Variants in SLC30A7 observed in about 807,000 individuals in gnomAD.
The protein encoded by SLC30A7 is zinc transporter 7.
Under a neutral mutation model 46.0 loss-of-function variants are expected in SLC30A7, and 35 were observed. The ratio of observed to expected loss-of-function variants is 0.76; its 90% CI spans 0.58 to 1.01. The LOEUF is 1.01. Among genes scored for constraint, SLC30A7 ranks in the 50% least tolerant of loss-of-function variants. SLC30A7 has a pLI of 0.00. For missense variants in SLC30A7, 464 were observed against 451.1 expected, an observed-to-expected ratio of 1.03 and a Z score of -0.26; for synonymous variants, 147 against 157.8, an observed-to-expected ratio of 0.93 and a Z score of 0.51.
chr1:100,959,782 C>A (rs919447868), intron 8 of SLC30A7, among the ~76,000 whole-genome samples: 1 of 152,146 alleles, frequency 6.6e-6, no homozygotes, highest in Non-Finnish European at 1.5e-5. Flanking sequence ...AGTCCTGAAA[C>A]TTTACATAGG....
At position 100,966,042 on chromosome 1, in the gene SLC30A7, G is replaced by T. The variant is rs1443543472; in HGVS notation, c.1083+124G>T. ...GGCTAGGATTTCTAGATCAGTGTGG[G>T]CAACATAGTGAGACCCCGTCTCTAC... On this transcript the variant is annotated intron_variant, in intron 10 of 10. Transcript: ENST00000357650. The T allele has an allele frequency of 7.6e-6, 6 of 791,652 alleles. No homozygotes were observed. In the East Asian group the frequency reaches 1.6e-4, roughly 22 times the overall value. The allele number at this position is 791,652 out of a possible 1,614,324, so 49.0% of individuals were successfully genotyped here. A position where few individuals can be genotyped will look rare whatever the true frequency, so the allele number is the denominator to read the frequency against.
intron 7 of SLC30A7, among the ~76,000 whole-genome samples, chr1:100,919,901 C>T (rs1249945724): frequency 6.6e-6 from 1 of 152,038 alleles, no homozygotes; most frequent in Non-Finnish European, 1.5e-5. Flanking sequence ...CATCTTGACT[C>T]CTGGCTTACT....
At chr1:100,942,512 G>GT (rs531676748) in intron 8 of SLC30A7, among the ~76,000 whole-genome samples, 168 of 152,240 alleles carry the variant, frequency 1.1e-3, no homozygotes, top group Non-Finnish European at 1.8e-3. Context: ...AATGTGTGGG[G>GT]TTTTTTCCCC....
At chr1:100,956,760 C>T (rs1655247566) in intron 8 of SLC30A7, among the ~76,000 whole-genome samples, 1 of 152,120 alleles carries the variant, frequency 6.6e-6, no homozygotes, top group Non-Finnish European at 1.5e-5. Flanking sequence ...TCTTCTATTC[C>T]TTTTTCTCTT....
rs142577804 is a variant in SLC30A7 at position 100,981,751 on chromosome 1, A to C, written c.*6894A>C. The C allele has an allele frequency of 4.6e-5, 7 of 152,350 alleles. No homozygotes were observed. In the East Asian group the frequency reaches 1.3e-3, roughly 29 times the overall value. 9.4% of individuals were successfully genotyped at this position (152,350 alleles called of 1,614,324 possible). Reference sequence around the variant, plus strand: ...CTTTCAATAAAATTTCTATTTAAAAATCTCTACCTGAATTGTGTCTTATCA... The same window carrying C: ...CTTTCAATAAAATTTCTATTTAAAACTCTCTACCTGAATTGTGTCTTATCA... On this transcript the variant is annotated 3_prime_UTR_variant, in exon 11 of 11. Coordinates refer to ENST00000357650, the MANE Select transcript of SLC30A7 (RefSeq NM_133496.5).
rs1396421163 is a variant in SLC30A7 at position 100,977,901 on chromosome 1, A to T, written c.*3044A>T. ...CCTGAGTAACTGGAATTACAGGTGC[A>T]CGCCACCACGCCCGGCTAATTTTTG... On this transcript the variant is annotated 3_prime_UTR_variant, in exon 11 of 11. Transcript: ENST00000357650. 2 of 152,142 alleles carry T rather than the reference A, an allele frequency of 1.3e-5. No individual in the cohort carries two copies. The highest frequency in any genetic ancestry group is 4.8e-5 in the African/African-American group (2 of 41,434). 9.4% of individuals were successfully genotyped at this position (152,142 alleles called of 1,614,324 possible).
intron 8 of SLC30A7, among the ~76,000 whole-genome samples, chr1:100,926,069 G>A (rs749082192): frequency 2.0e-5 from 3 of 152,212 alleles, no homozygotes; most frequent in Non-Finnish European, 4.4e-5. Flanking sequence ...GTCAACTACA[G>A]TAGGCTTCCA....
chr1:100,897,137 T>G (rs998082974), intron 2 of SLC30A7, among the ~76,000 whole-genome samples: 1 of 152,108 alleles, frequency 6.6e-6, no homozygotes, highest in East Asian at 1.9e-4. Flanking sequence ...TAAAGTGATA[T>G]CGGGAGGAAT....
intron 7 of SLC30A7, among the ~76,000 whole-genome samples, chr1:100,918,383 A>C (rs932574564): frequency 6.6e-6 from 1 of 152,200 alleles, no homozygotes; most frequent in Non-Finnish European, 1.5e-5. Flanking sequence ...ATGTCCCCAC[A>C]ATCCCAGCTA....
intron 8 of SLC30A7, among the ~76,000 whole-genome samples, chr1:100,925,687 AAG>A (rs892732613): frequency 7.2e-5 from 11 of 152,212 alleles, no homozygotes; most frequent in African/African-American, 2.4e-4. Context: ...TCATTACTAA[AAG>A]AGAGGGGACT....
intron 8 of SLC30A7, among the ~76,000 whole-genome samples, chr1:100,959,733 T>A (rs1458755977): frequency 6.6e-6 from 1 of 152,152 alleles, no homozygotes; most frequent in Non-Finnish European, 1.5e-5. Flanking sequence ...TGATGTCTCA[T>A]CACTTTGTCA....
At chr1:100,925,679 A>G (rs1218186836) in intron 8 of SLC30A7, among the ~76,000 whole-genome samples, 1 of 152,224 alleles carries the variant, frequency 6.6e-6, no homozygotes, top group African/African-American at 2.4e-5. Context: ...ATGAGGTGTC[A>G]TTACTAAAAG....
At chr1:100,954,283 C>T (rs1655116471) in intron 8 of SLC30A7, among the ~76,000 whole-genome samples, 1 of 152,090 alleles carries the variant, frequency 6.6e-6, no homozygotes, top group Non-Finnish European at 1.5e-5. Context: ...CTAACTCTTA[C>T]CTATGTATAA....
At chr1:100,960,258 T>G (rs1391560098) in intron 8 of SLC30A7, among the ~76,000 whole-genome samples, 1 of 152,222 alleles carries the variant, frequency 6.6e-6, no homozygotes, top group Non-Finnish European at 1.5e-5. Context: ...ATTTTCCTAT[T>G]TGTCTTTGTT....
At chr1:100,912,667 A>C (rs1360288083) in intron 5 of SLC30A7, among the ~76,000 whole-genome samples, 1 of 152,006 alleles carries the variant, frequency 6.6e-6, no homozygotes, top group Non-Finnish European at 1.5e-5. Context: ...CTACAAAAAA[A>C]TACAAAATTA....
At chr1:100,943,636 C>T (rs970471675) in intron 8 of SLC30A7, among the ~76,000 whole-genome samples, 2 of 152,168 alleles carry the variant, frequency 1.3e-5, no homozygotes, top group African/African-American at 4.8e-5. Context: ...CATCAGTCAA[C>T]TCATTAGAAA....
Position 100,896,182 on chromosome 1 carries a change from G to A in SLC30A7, c.-81G>A. On this transcript the variant is annotated 5_prime_UTR_variant, in exon 1 of 11. Coordinates refer to ENST00000357650, the MANE Select transcript of SLC30A7 (RefSeq NM_133496.5). ...ACAAGCGCTGGGGATTCCCGTTTGA[G>A]GCGTCACTACTGTCACTGCCATCAC... 1.6e-6 allele frequency: 2 copies of A among 1,246,026 alleles called. No individual in the cohort carries two copies. The highest frequency in any genetic ancestry group is 2.4e-6 in the Non-Finnish European group (2 of 849,082). The allele number at this position is 1,246,026 out of a possible 1,614,324, so 77.2% of individuals were successfully genotyped here. A position where few individuals can be genotyped will look rare whatever the true frequency, so the allele number is the denominator to read the frequency against.
chr1:100,930,033 A>G (rs1473323286), intron 8 of SLC30A7, among the ~76,000 whole-genome samples: 1 of 151,304 alleles, frequency 6.6e-6, no homozygotes, highest in Non-Finnish European at 1.5e-5. Context: ...CTGTAGCTTG[A>G]TTTTTTTTTA....
intron 6 of SLC30A7, among the ~76,000 whole-genome samples, chr1:100,915,525 TGTA>T (rs1350736508): frequency 3.9e-5 from 6 of 152,174 alleles, no homozygotes; most frequent in Non-Finnish European, 8.8e-5. Context: ...GTGATATAAA[TGTA>T]GTATTTGTCC....
Sources: allele counts gnomAD v4.1 joint callset (sites outside exome capture counted in the v4.1 genomes callset), GRCh38; gene constraint gnomAD v4.1.1; transcripts MANE v1.5; gene names NCBI Gene and HGNC (gene_info 2026-07-23, HGNC 2026-07-21).